MMP7: variants seen among roughly 807,000 people sequenced by gnomAD.
MMP7 encodes matrix metallopeptidase 7.
In MMP7, 26 loss-of-function variants were observed where a neutral mutation model predicts 31.5. The observed-to-expected ratio is 0.83, with a 90% CI of 0.61 to 1.15. The LOEUF (loss-of-function observed/expected upper bound fraction) is 1.15. MMP7 is among the 50% of genes most tolerant of loss of function. The pLI is 0.00. For synonymous variants in MMP7, 142 were observed against 124.2 expected, an observed-to-expected ratio of 1.14 and a Z score of -0.95; for missense variants, 367 against 326.5, an observed-to-expected ratio of 1.12 and a Z score of -0.96.
intron 3 of MMP7, among the ~76,000 whole-genome samples, chr11:102,526,583 A>G (rs1858675299): frequency 6.6e-6 from 1 of 152,078 alleles, no homozygotes; most frequent in Non-Finnish European, 1.5e-5. Flanking sequence ...TCCATTTCCT[A>G]CTTCCTTGCC....
chr11:102,520,999 C>T (rs1468399053), intron 5 of MMP7, among the ~76,000 whole-genome samples, 195 bp from the exon 6 acceptor site: 1 of 152,138 alleles, frequency 6.6e-6, no homozygotes, highest in Non-Finnish European at 1.5e-5. Context: ...AGTGTGGGCC[C>T]AGGGCTCAGG....
rs772942876 is a variant in MMP7 at position 102,527,566 on chromosome 11, C to G, written c.442G>C (p.Val148Leu). The change falls in exon 3 of 6, where the codon GTA becomes CTA. Residue 148 changes from valine to leucine, a missense_variant. By Grantham distance (32) the Val-to-Leu change is conservative. Transcript: ENST00000260227. ...KEIPLHFRKV[V>L]WGTADIMIGF... ...ATCATGATGTCAGCAGTTCCCCATACAACTTTCCTGAAATGCAGGGGGATC... is the reference window on the plus strand; with the variant it reads ...ATCATGATGTCAGCAGTTCCCCATAGAACTTTCCTGAAATGCAGGGGGATC... 6.2e-7 allele frequency: 1 copy of G among 1,614,168 alleles called. No homozygotes were observed. The highest frequency in any genetic ancestry group is 2.2e-5 in the East Asian group (1 of 44,884).
intron 4 of MMP7, 68 bp from the exon 5 acceptor site, chr11:102,523,469 A>G: frequency 8.2e-7 from 1 of 1,226,366 alleles, no homozygotes; most frequent in East Asian, 2.8e-5. Context: ...TATTATATAT[A>G]TGATATCATA....
intron 1 of MMP7, 104 bp from the exon 2 acceptor site, chr11:102,528,087 G>A: frequency 1.2e-6 from 1 of 800,994 alleles, no homozygotes; most frequent in African/African-American, 1.7e-5. Flanking sequence ...TTCAAATAAT[G>A]ATTTGAAGAC....
chr11:102,528,543 G>C (rs974657642), intron 1 of MMP7, among the ~76,000 whole-genome samples: 4 of 152,164 alleles, frequency 2.6e-5, no homozygotes, highest in African/African-American at 9.7e-5. Context: ...TATGTGCCCA[G>C]GTTCACACCT....
At chr11:102,528,072 G>C in intron 1 of MMP7, 89 bp from the exon 2 acceptor site, 1 of 912,600 alleles carries the variant, frequency 1.1e-6, no homozygotes, top group South Asian at 1.7e-5. Flanking sequence ...TTTGGTTCCT[G>C]TGAATTCAAA....
intron 4 of MMP7, chr11:102,524,708 G>T: frequency 3.3e-6 from 1 of 305,538 alleles, no homozygotes; most frequent in Non-Finnish European, 5.7e-6. Context: ...ATTGGTAGAC[G>T]TACAGCAAAT....
At chr11:102,521,629 A>G (rs903629308) in intron 5 of MMP7, among the ~76,000 whole-genome samples, 4 of 152,172 alleles carry the variant, frequency 2.6e-5, no homozygotes, top group Admixed American at 2.0e-4. Flanking sequence ...ATTAAATTCT[A>G]TTTCCATTTG....
intron 3 of MMP7, 120 bp downstream of exon 3, chr11:102,527,400 TTAAC>T (rs766567841): frequency 6.8e-6 from 8 of 1,173,644 alleles, no homozygotes; most frequent in Non-Finnish European, 7.5e-6. Context: ...AATCTATCTA[TTAAC>T]TATCTATCTA....
chr11:102,524,969 C>T lies in MMP7; in HGVS notation c.580G>A (p.Glu194Lys), dbSNP rs752325782. Residue 194 changes from glutamate to lysine, a missense_variant, in exon 4 of 6, where the codon GAG (glutamate) becomes AAG (lysine). Transcript: ENST00000260227. ...TGLGGDAHFD[E>K]DERWTDGSSL... ...CTACCATCCGTCCAGCGTTCATCCT[C>T]ATCGAAGTGAGCATCTCCTCCGAGA... 3.7e-6 allele frequency: 6 copies of T among 1,613,984 alleles called. No homozygotes were observed. Among genetic ancestry groups the T allele is most frequent in the African/African-American group, 1.3e-5 (1 of 74,894 alleles).
chr11:102,527,717 C>A, intron 2 of MMP7, 40 bp downstream of exon 2: 2 of 1,613,610 alleles, frequency 1.2e-6, no homozygotes, highest in Non-Finnish European at 1.7e-6. Context: ...AGGAAACAGG[C>A]TTTATTGTTT....
At chr11:102,522,717 A>G (rs1858626422) in intron 5 of MMP7, among the ~76,000 whole-genome samples, 1 of 152,238 alleles carries the variant, frequency 6.6e-6, no homozygotes, top group Admixed American at 6.5e-5. Context: ...ACTTGATTAA[A>G]CCAAAAAAGC....
At position 102,525,203 on chromosome 11, in the gene MMP7, C is replaced by T. The variant is rs1054187829; in HGVS notation, c.485-139G>A. 66 of 996,492 alleles carry T rather than the reference C, an allele frequency of 6.6e-5. 1 individual carries two copies. The highest frequency in any genetic ancestry group is 1.3e-4 in the South Asian group (7 of 55,170). 61.7% of individuals were successfully genotyped at this position (996,492 alleles called of 1,614,324 possible). A position where few individuals can be genotyped will look rare whatever the true frequency, so the allele number is the denominator to read the frequency against. The stretch of plus-strand genomic sequence containing the variant: ...GGCATGGTGGCTCACTTTGCGAGGC[C>T]GAGGTGGGCGGATCACCTGAGGTCA... On this transcript the variant is annotated intron_variant, in intron 3 of 5. Coordinates refer to ENST00000260227, the MANE Select transcript of MMP7 (RefSeq NM_002423.5).
intron 5 of MMP7, among the ~76,000 whole-genome samples, chr11:102,522,089 A>G (rs1004919563): frequency 5.9e-5 from 9 of 152,224 alleles, no homozygotes; most frequent in Non-Finnish European, 7.3e-5. Flanking sequence ...AATAGTCTAT[A>G]CACCTGAAAT....
In MMP7 at chr11:102,527,336, C is replaced by T. The variant is rs17880918; in HGVS notation, c.484+188G>A. 1,351 of 685,994 alleles carry T rather than the reference C, an allele frequency of 2.0e-3. 3 individuals carry two copies. The highest frequency in any genetic ancestry group is 2.8e-3 in the Non-Finnish European group (1,210 of 426,168). The allele number at this position is 685,994 out of a possible 1,614,324, so 42.5% of individuals were successfully genotyped here. A position where few individuals can be genotyped will look rare whatever the true frequency, so the allele number is the denominator to read the frequency against. On this transcript the variant is annotated intron_variant, in intron 3 of 5. Coordinates refer to ENST00000260227, the MANE Select transcript of MMP7 (RefSeq NM_002423.5). ...ATGCATCATAGTTTGCCAACTGCTG[C>T]TATAAAAAGTGGCTCTATATTACCA... is the stretch of plus-strand genomic sequence containing the variant.
intron 5 of MMP7, among the ~76,000 whole-genome samples, chr11:102,522,407 A>G (rs964466536): frequency 6.6e-6 from 1 of 152,184 alleles, no homozygotes; most frequent in African/African-American, 2.4e-5. Flanking sequence ...TGATTTAAAG[A>G]TGTCATTCTG....
rs112871499 is a variant in MMP7 at position 102,520,743 on chromosome 11, T to A, written c.*33A>T. 1.3e-6 allele frequency: 2 copies of A among 1,504,542 alleles called. No homozygotes were observed. The highest frequency in any genetic ancestry group is 9.1e-7 in the Non-Finnish European group (1 of 1,096,154). 93.2% of individuals were successfully genotyped at this position (1,504,542 alleles called of 1,614,324 possible). On this transcript the variant is annotated 3_prime_UTR_variant, in exon 6 of 6. Transcript: ENST00000260227. ...TGTGCAACAATGATATACAATCCAA[T>A]GAATGAATGAATGGATGTTCTGCCT...
intron 3 of MMP7, among the ~76,000 whole-genome samples, chr11:102,525,987 G>A (rs1337852952): frequency 2.0e-5 from 3 of 151,400 alleles, no homozygotes; most frequent in Admixed American, 6.6e-5. Flanking sequence ...CATTTTCTTC[G>A]GTGTTGTCAA....
chr11:102,525,002 C>G lies in MMP7; in HGVS notation c.547G>C (p.Gly183Arg). Residue 183 changes from glycine (G) to arginine (R), a missense_variant, in exon 4 of 6, where the codon GGG (glycine) becomes CGG (arginine). Physicochemically the swap from Gly to Arg is moderately radical, Grantham distance 125. Coordinates refer to ENST00000260227, the MANE Select transcript of MMP7 (RefSeq NM_002423.5). Reference protein sequence around the residue: ...GNTLAHAFAPGTGLGGDAHFD... With the variant: ...GNTLAHAFAPRTGLGGDAHFD... ...TGAGCATCTCCTCCGAGACCTGTCCCAGGCGCAAAGGCATGAGCCAGCGTG... is the reference window on the plus strand; with the variant it reads ...TGAGCATCTCCTCCGAGACCTGTCCGAGGCGCAAAGGCATGAGCCAGCGTG... 6.2e-7 allele frequency: 1 copy of G among 1,613,996 alleles called. No homozygotes were observed. The highest frequency in any genetic ancestry group is 8.5e-7 in the Non-Finnish European group (1 of 1,179,960).
Sources: allele counts gnomAD v4.1 joint callset (sites outside exome capture counted in the v4.1 genomes callset), GRCh38; gene constraint gnomAD v4.1.1; transcripts MANE v1.5; gene names NCBI Gene and HGNC (gene_info 2026-07-23, HGNC 2026-07-21).